The following CEP63 variants were observed in gnomAD, a reference collection of about 807,000 sequenced individuals.
CEP63 encodes the protein centrosomal protein 63, also known as centrosomal protein of 63 kDa.
In CEP63, 84 loss-of-function variants were observed where a neutral mutation model predicts 89.1. That is an observed-to-expected ratio of 0.94 (90% CI 0.79 to 1.13). The LOEUF (loss-of-function observed/expected upper bound fraction) is 1.13, where lower values mean the gene tolerates loss of function less well. Among genes scored for constraint, CEP63 ranks in the 50% most tolerant of loss-of-function variants. The pLI is 0.00. For missense variants in CEP63, 838 were observed against 813.3 expected, an observed-to-expected ratio of 1.03 and a Z score of -0.37; for synonymous variants, 267 against 272.5, an observed-to-expected ratio of 0.98 and a Z score of 0.20.
the CEP63 span, among the ~76,000 whole-genome samples, chr3:134,735,859 A>G: frequency 1.3e-5 from 2 of 152,152 alleles, no homozygotes; most frequent in South Asian, 4.1e-4. Flanking sequence ...TTTCTGTAAC[A>G]TCAACTGTTC....
chr3:134,550,719 G>C (rs1466787416), intron 11 of CEP63, among the ~76,000 whole-genome samples: 1 of 152,182 alleles, frequency 6.6e-6, no homozygotes, highest in Non-Finnish European at 1.5e-5. Flanking sequence ...GCTGCTGAAG[G>C]GCTACGTTAG....
the CEP63 span, among the ~76,000 whole-genome samples, chr3:134,657,728 G>GAT: frequency 0.013 from 2,023 of 151,872 alleles, 38 homozygotes; most frequent in African/African-American, 0.044. Context: ...TAAACATTGA[G>GAT]ATATATATAT....
chr3:134,545,440 T>C (rs757455900), intron 6 of CEP63, 146 bp from the exon 7 acceptor site: 3 of 648,682 alleles, frequency 4.6e-6, no homozygotes, highest in Non-Finnish European at 7.8e-6. Context: ...TCTCAATTCT[T>C]TCTTACCCCT....
At chr3:134,511,445 T>C (rs1486836702) in intron 3 of CEP63, 1 of 153,914 alleles carries the variant, frequency 6.5e-6, no homozygotes, top group Non-Finnish European at 1.4e-5. Flanking sequence ...CTTTCAAGTA[T>C]GTGTTATAAC....
the CEP63 span, among the ~76,000 whole-genome samples, chr3:134,660,848 T>C: frequency 6.6e-6 from 1 of 152,182 alleles, no homozygotes; most frequent in East Asian, 1.9e-4. Context: ...TCCTTCTGTA[T>C]GGCCTCTTCT....
At chr3:134,709,292 A>T in the CEP63 span, among the ~76,000 whole-genome samples, 1 of 152,056 alleles carries the variant, frequency 6.6e-6, no homozygotes, top group Non-Finnish European at 1.5e-5. Flanking sequence ...AGAGTATTGG[A>T]CATTGCTGTG....
Position 134,564,990 on chromosome 3 carries a change from AAG to A in CEP63, c.*3457_*3458del. 1.0e-6 allele frequency: 1 copy of A among 971,664 alleles called. No individual in the cohort carries two copies. Among genetic ancestry groups the A allele is most frequent in the Non-Finnish European group, 1.2e-6 (1 of 817,486 alleles). 60.2% of individuals were successfully genotyped at this position (971,664 alleles called of 1,614,324 possible). A position where few individuals can be genotyped will look rare whatever the true frequency, so the allele number is the denominator to read the frequency against. The stretch of plus-strand genomic sequence containing the variant: ...ATTTAATGTCTCACCATTTTTCAAA[AAG>A]ATATATTAATACCAAATATTAAAAT... On this transcript the variant is annotated 3_prime_UTR_variant, in exon 15 of 15. Transcript: ENST00000675561.
rs959481578 is a variant in CEP63, at chr3:134,550,119, G to A, written c.1239G>A (p.Met413Ile). Residue 413 changes from methionine (M) to isoleucine (I), a missense_variant, in exon 11 of 15, where the codon ATG (methionine) becomes ATA (isoleucine). Transcript: ENST00000675561. ...EQSYSSALEG[M>I]KMEISHLTQE... ...GTTACAGTTCTGCACTAGAAGGAAT[G>A]AAGATGGAAATCTCCCATCTAACTC... The A allele has an allele frequency of 5.0e-6, 8 of 1,613,562 alleles. No individual in the cohort carries two copies. The highest frequency in any genetic ancestry group is 3.3e-5 in the Admixed American group (2 of 59,992).
chr3:134,606,740 T>C, the CEP63 span, among the ~76,000 whole-genome samples: 47 of 152,212 alleles, frequency 3.1e-4, no homozygotes, highest in African/African-American at 1.1e-3. Context: ...GTTGAATGAC[T>C]GGGAAGACTT....
chr3:134,535,428 T>C (rs1304216228), intron 5 of CEP63: 2 of 151,762 alleles, frequency 1.3e-5, no homozygotes, highest in South Asian at 2.1e-4. Flanking sequence ...TCTCATTTTT[T>C]CCTTGTTCAT....
chr3:134,670,816 CATACTGT>C, the CEP63 span, among the ~76,000 whole-genome samples: 1 of 152,116 alleles, frequency 6.6e-6, no homozygotes, highest in East Asian at 1.9e-4. Flanking sequence ...GGAGTCCTCC[CATACTGT>C]ATACTGTAGA....
downstream of CEP63, among the ~76,000 whole-genome samples, chr3:134,569,539 G>A (rs182421866): frequency 1.5e-3 from 229 of 152,318 alleles, 1 homozygote; most frequent in African/African-American, 4.9e-3. Flanking sequence ...TCCAGGTCAC[G>A]CTGATGCAAA....
chr3:134,605,578 C>G, the CEP63 span, among the ~76,000 whole-genome samples: 20 of 152,274 alleles, frequency 1.3e-4, 1 homozygote, highest in African/African-American at 4.6e-4. Flanking sequence ...TAGACAGCCC[C>G]TCTACCTTCT....
chr3:134,641,980 A>G, the CEP63 span, among the ~76,000 whole-genome samples: 1 of 152,114 alleles, frequency 6.6e-6, no homozygotes, highest in Non-Finnish European at 1.5e-5. Flanking sequence ...CATTTTAGAG[A>G]AGCAACAGGA....
the CEP63 span, among the ~76,000 whole-genome samples, chr3:134,682,216 G>T: frequency 2.0e-5 from 3 of 152,178 alleles, no homozygotes; most frequent in Non-Finnish European, 1.5e-5. Context: ...CGGGTCAGGA[G>T]AATTAGTTCC....
the CEP63 span, among the ~76,000 whole-genome samples, chr3:134,727,537 T>C: frequency 6.6e-6 from 1 of 152,134 alleles, no homozygotes; most frequent in East Asian, 1.9e-4. Context: ...TGAAGAAGGA[T>C]AAAGGCCACA....
At chr3:134,532,045 C>T in intron 4 of CEP63, 105 bp downstream of exon 4, 1 of 699,616 alleles carries the variant, frequency 1.4e-6, no homozygotes, top group South Asian at 1.7e-5. Context: ...GTGGGAAATA[C>T]ATACTCCATC....
chr3:134,524,499 A>G (rs1948218198), intron 3 of CEP63, among the ~76,000 whole-genome samples: 3 of 152,078 alleles, frequency 2.0e-5, no homozygotes, highest in Admixed American at 2.0e-4. Context: ...CCCATTCAGT[A>G]TGATATTGGC....
chr3:134,555,856 C>G, intron 12 of CEP63, among the ~76,000 whole-genome samples: 1 of 152,106 alleles, frequency 6.6e-6, no homozygotes, highest in East Asian at 1.9e-4. Flanking sequence ...AGGCATCACC[C>G]TACTTGACTT....
Sources: gnomAD v4.1 joint callset for allele counts (sites outside exome capture counted in the v4.1 genomes callset) on GRCh38, gnomAD v4.1.1 for gene constraint, MANE v1.5 for transcripts, NCBI Gene and HGNC (gene_info 2026-07-23, HGNC 2026-07-21) for gene names.